ITPR2: variants seen among roughly 807,000 people sequenced by gnomAD.
ITPR2 encodes the protein inositol 1,4,5-trisphosphate receptor type 2, also known as inositol 1,4,5-trisphosphate-gated calcium channel ITPR2.
In ITPR2, 207 loss-of-function variants were observed where a neutral mutation model predicts 317.1. That is an observed-to-expected ratio of 0.65 (90% CI 0.58 to 0.73). The LOEUF is 0.73. ITPR2 is among the 30% of genes least tolerant of loss of function. The pLI, the probability that ITPR2 is intolerant of heterozygous loss-of-function variation, is 0.00. For missense variants in ITPR2, 2,613 were observed against 3,284.0 expected (o/e 0.80, Z 4.99); for synonymous variants, 1,156 against 1,149.1 (o/e 1.01, Z -0.12).
At position 26,578,767 on chromosome 12, in the gene ITPR2, T is replaced by C. The variant is rs764315120; in HGVS notation, c.4576A>G (p.Asn1526Asp). The C allele has an allele frequency of 6.8e-6, 11 of 1,611,720 alleles. No individual in the cohort carries two copies. Among genetic ancestry groups the C allele is most frequent in the Non-Finnish European group, 9.3e-6 (11 of 1,178,314 alleles). Residue 1526 changes from asparagine to aspartate, a missense_variant, in exon 34 of 57, where the codon AAC becomes GAC. By Grantham distance (23) the Asn-to-Asp change is conservative (BLOSUM62 1). Coordinates refer to ENST00000381340, the MANE Select transcript of ITPR2 (RefSeq NM_002223.4). ...TCCACTGAGGCTTTCTGCGCTGGGT[T>C]TGGCCAGGTGCAATTGTAAATTCTG... ...AFRIYNCTWP[N>D]PAQKASVESC...
At chr12:26,576,408 TC>T (rs1945277814) in intron 34 of ITPR2, among the ~76,000 whole-genome samples, 1 of 152,220 alleles carries the variant, frequency 6.6e-6, no homozygotes, top group African/African-American at 2.4e-5. Flanking sequence ...TGTGTGTCCT[TC>T]TTTATTCTTG....
At chr12:26,511,921 C>A (rs976951909) in intron 37 of ITPR2, among the ~76,000 whole-genome samples, 2 of 152,182 alleles carry the variant, frequency 1.3e-5, no homozygotes, top group Non-Finnish European at 2.9e-5. Context: ...TCTTTCCACA[C>A]CATCTTACTA....
chr12:26,388,638 T>A lies in ITPR2; in HGVS notation c.7697-1044A>T, dbSNP rs567455010. ...CCGGCTAATTTTTGTATCTTTTTTT[T>A]TTTCTCTGTAGAGATGGAGCTTCAC... On this transcript the variant is annotated intron_variant, in intron 54 of 56. Coordinates refer to ENST00000381340, the MANE Select transcript of ITPR2 (RefSeq NM_002223.4). 3.3e-5 allele frequency among the ~76,000 whole-genome samples: 5 copies of A among 152,014 alleles called. No individual in the cohort carries two copies. In the South Asian group the frequency reaches 1.0e-3, roughly 32 times the overall value.
chr12:26,396,617 C>T (rs1940007382), intron 54 of ITPR2, among the ~76,000 whole-genome samples: 3 of 152,066 alleles, frequency 2.0e-5, no homozygotes, highest in South Asian at 2.1e-4. Flanking sequence ...TCTTCTCACT[C>T]GGACACCCTC....
intron 30 of ITPR2, 145 bp downstream of exon 30, chr12:26,599,000 A>C (rs1945923919): frequency 1.5e-6 from 1 of 680,512 alleles, no homozygotes; most frequent in Non-Finnish European, 2.4e-6. Flanking sequence ...AAATTAAAGC[A>C]AAATATATTT....
intron 55 of ITPR2, among the ~76,000 whole-genome samples, chr12:26,350,779 A>ACTCAT (rs1296045904): frequency 2.6e-5 from 4 of 151,982 alleles, no homozygotes; most frequent in African/African-American, 9.7e-5. Context: ...GACCCCCATG[A>ACTCAT]GCAGGAGGGC....
intron 21 of ITPR2, among the ~76,000 whole-genome samples, chr12:26,639,616 C>T (rs1352399014): frequency 1.7e-5 from 2 of 120,164 alleles, no homozygotes; most frequent in African/African-American, 6.4e-5. Flanking sequence ...GCTATCCCTC[C>T]CCGCTCCCCC....
chr12:26,486,045 TTTAA>T (rs1482443039), intron 41 of ITPR2, 55 bp downstream of exon 41: 1 of 1,572,520 alleles, frequency 6.4e-7, no homozygotes, highest in African/African-American at 1.4e-5. Context: ...TTTATTTGAA[TTTAA>T]TTACTGATAA....
intron 26 of ITPR2, among the ~76,000 whole-genome samples, chr12:26,608,018 G>C (rs1423200830): frequency 6.6e-6 from 1 of 152,198 alleles, no homozygotes; most frequent in Non-Finnish European, 1.5e-5. Context: ...CTACTCGGGA[G>C]GCTGAGGCAG....
chr12:26,716,250 G>A lies in ITPR2; in HGVS notation c.526-8C>T, dbSNP rs932757943. On this transcript the variant is annotated splice_polypyrimidine_tract_variant and splice_region_variant and intron_variant, in intron 5 of 56. Coordinates refer to ENST00000381340, the MANE Select transcript of ITPR2 (RefSeq NM_002223.4). Reference sequence around the variant, plus strand: ...TTTATCTCCTACAACAATCTAGGAAGCAGAAATAAATCACAATTGAGACAC... The same window carrying A: ...TTTATCTCCTACAACAATCTAGGAAACAGAAATAAATCACAATTGAGACAC... 3 of 1,585,342 alleles carry A rather than the reference G, an allele frequency of 1.9e-6. No homozygotes were observed. Among genetic ancestry groups the A allele is most frequent in the Non-Finnish European group, 2.6e-6 (3 of 1,154,800 alleles).
chr12:26,762,406 G>T (rs1241760574), intron 2 of ITPR2, among the ~76,000 whole-genome samples: 2 of 152,300 alleles, frequency 1.3e-5, no homozygotes, highest in South Asian at 4.1e-4. Flanking sequence ...CAGAAACCTT[G>T]CAGGCCAGGA....
chr12:26,404,190 C>G (rs1245793113), intron 52 of ITPR2, among the ~76,000 whole-genome samples: 3 of 152,212 alleles, frequency 2.0e-5, no homozygotes, highest in Admixed American at 1.3e-4. Context: ...TGAAAGGAAG[C>G]TGACAGAACT....
intron 55 of ITPR2, among the ~76,000 whole-genome samples, chr12:26,370,751 T>A (rs568483297): frequency 1.8e-4 from 27 of 152,320 alleles, no homozygotes; most frequent in Middle Eastern, 3.4e-3. Flanking sequence ...CTTGGCTCAC[T>A]GCAACCTCTG....
At chr12:26,675,189 A>G (rs1212687220) in intron 13 of ITPR2, among the ~76,000 whole-genome samples, 1 of 152,176 alleles carries the variant, frequency 6.6e-6, no homozygotes, top group Non-Finnish European at 1.5e-5. Context: ...CAGCCATCCC[A>G]TTACTGGGTA....
chr12:26,552,818 G>T (rs905523902), intron 36 of ITPR2, among the ~76,000 whole-genome samples: 1 of 151,966 alleles, frequency 6.6e-6, no homozygotes, highest in African/African-American at 2.4e-5. Flanking sequence ...TTTTGATTTT[G>T]TTTTTCGCTC....
chr12:26,464,244 T>C (rs1383967345), intron 45 of ITPR2, among the ~76,000 whole-genome samples: 1 of 152,184 alleles, frequency 6.6e-6, no homozygotes, highest in Admixed American at 6.5e-5. Context: ...TATTATTACG[T>C]ACTCACCATA....
At chr12:26,488,454 T>C (rs1277941879) in intron 39 of ITPR2, among the ~76,000 whole-genome samples, 1 of 152,078 alleles carries the variant, frequency 6.6e-6, no homozygotes, top group Non-Finnish European at 1.5e-5. Flanking sequence ...TGACATCAGG[T>C]CTTGAAATGG....
chr12:26,682,538 T>C (rs1031556228), intron 12 of ITPR2, 36 bp downstream of exon 12: 6 of 1,313,340 alleles, frequency 4.6e-6, no homozygotes, highest in Non-Finnish European at 6.6e-6. Context: ...CTCATGGCAT[T>C]TGGCTGAAAA....
intron 2 of ITPR2, among the ~76,000 whole-genome samples, chr12:26,772,480 T>TAC (rs1949875991): frequency 2.2e-5 from 2 of 90,906 alleles, no homozygotes; most frequent in Non-Finnish European, 5.0e-5. Flanking sequence ...TTATATATAA[T>TAC]ATATATAATA....
Sources: gnomAD v4.1 joint callset for allele counts (sites outside exome capture counted in the v4.1 genomes callset) on GRCh38, gnomAD v4.1.1 for gene constraint, MANE v1.5 for transcripts, NCBI Gene and HGNC (gene_info 2026-07-23, HGNC 2026-07-21) for gene names.